The following GAP43 variants were observed in gnomAD, a reference collection of about 807,000 sequenced individuals.
The protein encoded by GAP43 is neuromodulin.
A neutral mutation model predicts 18.6 loss-of-function variants in GAP43; 6 were observed. The observed-to-expected ratio is 0.32, with a 90% CI of 0.18 to 0.64. GAP43 has a LOEUF of 0.64. Among genes scored for constraint, GAP43 ranks in the 30% least tolerant of loss-of-function variants. GAP43 has a pLI of 0.78. For missense variants in GAP43, 292 were observed against 295.5 expected (o/e 0.99, Z 0.09); for synonymous variants, 115 against 111.4 (o/e 1.03, Z -0.20).
chr3:115,694,635 A>T (rs1709161339), intron 2 of GAP43, among the ~76,000 whole-genome samples: 1 of 152,252 alleles, frequency 6.6e-6, no homozygotes. Context: ...CAGAAGCAAG[A>T]GAACTTAAAT....
intron 1 of GAP43, among the ~76,000 whole-genome samples, chr3:115,665,623 A>T (rs1282208518): frequency 6.6e-6 from 1 of 152,114 alleles, no homozygotes; most frequent in Non-Finnish European, 1.5e-5. Context: ...CCCTTGGCAA[A>T]TGGGGTCTTA....
chr3:115,696,232 GA>G (rs1354642318), intron 2 of GAP43, among the ~76,000 whole-genome samples: 1 of 151,490 alleles, frequency 6.6e-6, no homozygotes, highest in Non-Finnish European at 1.5e-5. Flanking sequence ...TTTTTTTTCT[GA>G]ACTTACTCCT....
intron 2 of GAP43, among the ~76,000 whole-genome samples, chr3:115,710,195 C>G (rs1475030856): frequency 6.6e-6 from 1 of 151,694 alleles, no homozygotes; most frequent in Non-Finnish European, 1.5e-5. Flanking sequence ...GAAAGTTTCC[C>G]AAAAGTTTGC....
chr3:115,675,758 CAAAAAAAAAAA>C (rs67744380), intron 1 of GAP43, among the ~76,000 whole-genome samples: 10 of 50,558 alleles, frequency 2.0e-4, no homozygotes, highest in African/African-American at 5.1e-4. Flanking sequence ...GACTCTATCT[CAAAAAAAAAAA>C]AAAAAAAAAA....
intron 1 of GAP43, among the ~76,000 whole-genome samples, chr3:115,657,046 AT>A (rs1227680566): frequency 6.6e-6 from 1 of 152,246 alleles, no homozygotes; most frequent in African/African-American, 2.4e-5. Context: ...AATGAAAATT[AT>A]AGCAAAACTC....
chr3:115,641,023 C>CT (rs1708387978), intron 1 of GAP43, among the ~76,000 whole-genome samples: 1 of 95,848 alleles, frequency 1.0e-5, no homozygotes, highest in African/African-American at 3.7e-5. Context: ...TTGCTTTATT[C>CT]TGTTTTTTTT....
chr3:115,696,578 G>C (rs79176588), intron 2 of GAP43, among the ~76,000 whole-genome samples: 16,961 of 54,916 alleles, frequency 0.31, 319 homozygotes, highest in Middle Eastern at 0.34. Context: ...GCCCCCCACC[G>C]CCCCCCCCCC....
intron 2 of GAP43, among the ~76,000 whole-genome samples, chr3:115,679,018 G>A (rs371652482): frequency 6.6e-6 from 1 of 151,694 alleles, no homozygotes; most frequent in African/African-American, 2.4e-5. Flanking sequence ...AAATTCCCAG[G>A]TGCCCTGTAC....
In GAP43 at chr3:115,687,387, G is replaced by A. The variant is rs182056555; in HGVS notation, c.628+10777G>A. 9.2e-5 allele frequency among the ~76,000 whole-genome samples: 14 copies of A among 152,318 alleles called. No individual in the cohort carries two copies. In the South Asian group the frequency reaches 2.5e-3, roughly 27 times the overall value. On this transcript the variant is annotated intron_variant, in intron 2 of 2. Coordinates refer to ENST00000305124, the MANE Select transcript of GAP43 (RefSeq NM_002045.4). ...TTGATTCATATTACAGTCCTATTGT[G>A]TAGTCGCAGATAGGACTGGTGTGAG... is the stretch of plus-strand genomic sequence containing the variant.
At chr3:115,683,147 G>GCGCACACACACACACACA (rs1252333447) in intron 2 of GAP43, among the ~76,000 whole-genome samples, 2 of 127,396 alleles carry the variant, frequency 1.6e-5, no homozygotes, top group African/African-American at 6.1e-5. Flanking sequence ...GCGCGCGCGC[G>GCGCACACACACACACACA]CACACACACA....
intron 1 of GAP43, among the ~76,000 whole-genome samples, chr3:115,628,696 A>G (rs1199345780): frequency 3.3e-5 from 5 of 152,072 alleles, no homozygotes; most frequent in Non-Finnish European, 5.9e-5. Flanking sequence ...GACCCTGCTC[A>G]GTCTCCTTAT....
chr3:115,652,262 G>C (rs552740450), intron 1 of GAP43, among the ~76,000 whole-genome samples: 2 of 140,994 alleles, frequency 1.4e-5, no homozygotes, highest in East Asian at 4.4e-4. Flanking sequence ...TTCATTTGTT[G>C]TTACCATATT....
chr3:115,673,951 A>G (rs1364577702), intron 1 of GAP43, among the ~76,000 whole-genome samples: 4 of 152,278 alleles, frequency 2.6e-5, no homozygotes, highest in Non-Finnish European at 4.4e-5. Flanking sequence ...CTCATTTTCA[A>G]AAATACTTTT....
At chr3:115,624,880 G>A (rs1020224099) in intron 1 of GAP43, among the ~76,000 whole-genome samples, 6 of 138,724 alleles carry the variant, frequency 4.3e-5, no homozygotes, top group Admixed American at 3.1e-4. Flanking sequence ...GAGTGTGTGC[G>A]TATGCTTGAC....
chr3:115,698,146 T>TA lies in GAP43; in HGVS notation c.628+21537dup, dbSNP rs1559804297. On this transcript the variant is annotated intron_variant, in intron 2 of 2. Coordinates refer to ENST00000305124, the MANE Select transcript of GAP43 (RefSeq NM_002045.4). Reference sequence around the variant, plus strand: ...TATTATATATAATATATATAATATATATTATATATAATATATAAAATATAT... The same window carrying TA: ...TATTATATATAATATATATAATATATAATTATATATAATATATAAAATATAT... Among the ~76,000 whole-genome samples the TA allele has an allele frequency of 3.2e-4, 3 of 9,392 alleles. No homozygotes were observed. The South Asian group carries it at 0.011, about 34-fold the overall frequency. The allele number at this position is 9,392 out of a possible 152,430, so 6.2% of individuals were successfully genotyped here.
chr3:115,678,271 A>C (rs1708918976), intron 2 of GAP43, among the ~76,000 whole-genome samples: 1 of 152,214 alleles, frequency 6.6e-6, no homozygotes, highest in Non-Finnish European at 1.5e-5. Context: ...CTTAGAAATT[A>C]ATCATGCTTT....
intron 1 of GAP43, among the ~76,000 whole-genome samples, chr3:115,665,966 G>A (rs1708726653): frequency 6.6e-6 from 1 of 150,596 alleles, no homozygotes; most frequent in Admixed American, 6.7e-5. Context: ...GATAGATACT[G>A]TATATGAAAT....
At chr3:115,669,511 C>G (rs770886049) in intron 1 of GAP43, among the ~76,000 whole-genome samples, 1 of 152,196 alleles carries the variant, frequency 6.6e-6, no homozygotes, top group Non-Finnish European at 1.5e-5. Flanking sequence ...AGACAAGGTA[C>G]TTCTCAAAGG....
At chr3:115,672,029 T>A (rs1708819907) in intron 1 of GAP43, among the ~76,000 whole-genome samples, 1 of 152,238 alleles carries the variant, frequency 6.6e-6, no homozygotes, top group South Asian at 2.1e-4. Flanking sequence ...AGGCACTGAG[T>A]ATTTTTAAGT....
Sources: gnomAD v4.1 joint callset for allele counts (sites outside exome capture counted in the v4.1 genomes callset) on GRCh38, gnomAD v4.1.1 for gene constraint, MANE v1.5 for transcripts, NCBI Gene and HGNC (gene_info 2026-07-23, HGNC 2026-07-21) for gene names.